Variants in NFASC observed in about 807,000 individuals in gnomAD.
NFASC encodes the protein neurofascin, also known as neurofascin homolog.
NFASC carries 43 observed loss-of-function variants against 147.5 expected under a neutral mutation model. That is an observed-to-expected ratio of 0.29 (90% CI 0.23 to 0.38). The LOEUF (loss-of-function observed/expected upper bound fraction) is 0.38. NFASC is among the 10% of genes least tolerant of loss of function. The pLI is 1.00. For missense variants in NFASC, 1,320 were observed against 1,689.0 expected (o/e 0.78, Z 3.83); for synonymous variants, 622 against 665.5 (o/e 0.93, Z 1.01).
At chr1:205,008,105 C>A (rs921399819) in intron 27 of NFASC, among the ~76,000 whole-genome samples, 1 of 152,142 alleles carries the variant, frequency 6.6e-6, no homozygotes, top group African/African-American at 2.4e-5. Flanking sequence ...GTCTTCACCC[C>A]GTACTGGCAA....
At chr1:204,856,989 A>G (rs529561302) in intron 1 of NFASC, among the ~76,000 whole-genome samples, 1 of 152,322 alleles carries the variant, frequency 6.6e-6, no homozygotes, top group African/African-American at 2.4e-5. Flanking sequence ...TGAACACATA[A>G]GTACATGTGC....
At chr1:204,995,631 A>G (rs1358889188) in intron 24 of NFASC, among the ~76,000 whole-genome samples, 1 of 152,100 alleles carries the variant, frequency 6.6e-6, no homozygotes, top group Non-Finnish European at 1.5e-5. Context: ...TTCGGTGGCC[A>G]GCACCCTCGG....
At chr1:204,843,716 CTCTT>C (rs1676161519) in intron 1 of NFASC, among the ~76,000 whole-genome samples, 1 of 143,624 alleles carries the variant, frequency 7.0e-6, no homozygotes, top group African/African-American at 2.6e-5. Context: ...CTCTCTTTCT[CTCTT>C]TCTTTCACGG....
intron 8 of NFASC, among the ~76,000 whole-genome samples, chr1:204,959,195 T>C (rs1405706529): frequency 6.6e-6 from 1 of 152,108 alleles, no homozygotes. Flanking sequence ...TCTGCCCTCC[T>C]CTAATCATCG....
In NFASC at chr1:204,968,151, G is replaced by A. The variant is rs1220524869; in HGVS notation, c.707-98G>A. On this transcript the variant is annotated intron_variant, in intron 8 of 29. Coordinates refer to ENST00000339876, the MANE Select transcript of NFASC (RefSeq NM_001005388.3). The surrounding 1 kb of genome is among the most constrained non-coding windows in gnomAD (Gnocchi z 5.4). ...GGTTTCAGCTGGGAGGATCCGGCAG[G>A]GGCGGTGATGCCACTTCTCTCTAGC... 3.6e-6 allele frequency: 3 copies of A among 843,752 alleles called. No homozygotes were observed. The highest frequency in any genetic ancestry group is 6.0e-6 in the Non-Finnish European group (3 of 496,230). The allele number at this position is 843,752 out of a possible 1,614,324, so 52.3% of individuals were successfully genotyped here.
intron 1 of NFASC, among the ~76,000 whole-genome samples, chr1:204,847,589 T>G (rs1379510508): frequency 6.6e-6 from 1 of 152,224 alleles, no homozygotes; most frequent in Non-Finnish European, 1.5e-5. Context: ...GCTACCAGCC[T>G]CTTTTCCTTT....
In NFASC at chr1:205,022,172, G is replaced by A. The variant is rs1558516104; in HGVS notation, c.*5633G>A. The A allele has an allele frequency of 6.6e-6, 1 of 152,592 alleles. No homozygotes were observed. Among genetic ancestry groups the A allele is most frequent in the Non-Finnish European group, 1.5e-5 (1 of 68,036 alleles). 9.5% of individuals were successfully genotyped at this position (152,592 alleles called of 1,614,324 possible). ...ATTACTCTGTTTCTTTTTCAAAAAT[G>A]AGGCAGATCAGATGCCCCTGAGCTG... On this transcript the variant is annotated 3_prime_UTR_variant, in exon 30 of 30. Transcript: ENST00000339876.
rs779001598 is a variant in NFASC, at chr1:204,976,736, C to T, written c.1772C>T (p.Thr591Met). The T allele has an allele frequency of 5.6e-6, 9 of 1,613,986 alleles. No homozygotes were observed. Among genetic ancestry groups the T allele is most frequent in the African/African-American group, 4.0e-5 (3 of 74,922 alleles). ...GVAERDQGSY[T>M]CVASTELDQD... ...GCAGAGCGGGACCAGGGCAGTTACACGTGTGTCGCCAGCACCGAGCTAGAC... is the reference window on the plus strand; with the variant it reads ...GCAGAGCGGGACCAGGGCAGTTACATGTGTGTCGCCAGCACCGAGCTAGAC... Residue 591 changes from threonine to methionine, a missense_variant, in exon 16 of 30, where the codon ACG (threonine) becomes ATG (methionine). By Grantham distance (81) the Thr-to-Met change is moderately conservative. Transcript: ENST00000339876.
intron 8 of NFASC, among the ~76,000 whole-genome samples, chr1:204,961,462 A>T (rs1355985150): frequency 6.6e-6 from 1 of 152,218 alleles, no homozygotes; most frequent in Non-Finnish European, 1.5e-5. Context: ...CTCTCCCGGC[A>T]TCCTCACAAG....
At chr1:204,877,623 G>A (rs1379035635) in intron 1 of NFASC, among the ~76,000 whole-genome samples, 1 of 152,184 alleles carries the variant, frequency 6.6e-6, no homozygotes, top group African/African-American at 2.4e-5. Flanking sequence ...CCTTGGCCAA[G>A]AGGGGTTCCA....
chr1:204,935,244 G>A (rs1291700169), intron 2 of NFASC, among the ~76,000 whole-genome samples: 2 of 152,190 alleles, frequency 1.3e-5, no homozygotes, highest in African/African-American at 4.8e-5. Context: ...GGAAAGAAGA[G>A]TGATTGCCGT....
At chr1:204,905,095 AT>A (rs1395093220) in intron 1 of NFASC, among the ~76,000 whole-genome samples, 1 of 151,890 alleles carries the variant, frequency 6.6e-6, no homozygotes, top group South Asian at 2.1e-4. Context: ...ATTAATTATT[AT>A]TTTTTTGAGA....
At chr1:204,972,021 C>G (rs545132402) in intron 11 of NFASC, among the ~76,000 whole-genome samples, 116 of 152,346 alleles carry the variant, frequency 7.6e-4, no homozygotes, top group African/African-American at 2.7e-3. Context: ...CGAGAATTTG[C>G]CAGGCAAGGA....
At chr1:205,012,902 G>T in intron 29 of NFASC, 36 bp downstream of exon 29, 1 of 1,476,492 alleles carries the variant, frequency 6.8e-7, no homozygotes, top group Non-Finnish European at 9.5e-7. Context: ...CAGGCAGGCT[G>T]TCCTCCCTGT....
chr1:205,004,114 G>A (rs542616768), intron 27 of NFASC, among the ~76,000 whole-genome samples: 1 of 152,356 alleles, frequency 6.6e-6, no homozygotes, highest in South Asian at 2.1e-4. Flanking sequence ...ACTGGTATGT[G>A]CATTTGATTT....
At chr1:204,896,380 CAAT>C (rs1187510715) in intron 1 of NFASC, among the ~76,000 whole-genome samples, 2 of 152,306 alleles carry the variant, frequency 1.3e-5, no homozygotes, top group East Asian at 3.9e-4. Context: ...ATTTTTAAAA[CAAT>C]AACCCTCCTT....
intron 2 of NFASC, among the ~76,000 whole-genome samples, chr1:204,922,107 C>T (rs11240311): frequency 0.2 from 29,943 of 152,080 alleles, 3,733 homozygotes; most frequent in Non-Finnish European, 0.28. Context: ...TTTATTTAAA[C>T]GGGTACGAAG....
chr1:204,859,189 G>A (rs1342546525), intron 1 of NFASC, among the ~76,000 whole-genome samples: 1 of 152,128 alleles, frequency 6.6e-6, no homozygotes, highest in African/African-American at 2.4e-5. Flanking sequence ...TGTTGGCCAG[G>A]CTGGTCTTGA....
At chr1:204,847,966 G>A (rs2075324676) in intron 1 of NFASC, among the ~76,000 whole-genome samples, 1 of 152,184 alleles carries the variant, frequency 6.6e-6, no homozygotes, top group South Asian at 2.1e-4. Flanking sequence ...AAGAGAGGGT[G>A]GAGGGCAGTT....
Sources: allele counts gnomAD v4.1 joint callset (sites outside exome capture counted in the v4.1 genomes callset), GRCh38; gene constraint gnomAD v4.1.1; non-coding constraint Gnocchi (gnomAD v3.1); transcripts MANE v1.5; gene names NCBI Gene and HGNC (gene_info 2026-07-23, HGNC 2026-07-21).